Variants in TRAPPC8 observed in about 807,000 individuals in gnomAD.
TRAPPC8 encodes the protein trafficking protein particle complex subunit 8.
In TRAPPC8, 54 loss-of-function variants were observed where a neutral mutation model predicts 174.3. The ratio of observed to expected loss-of-function variants is 0.31; its 90% CI spans 0.25 to 0.39. The LOEUF is 0.39. Ranked by LOEUF, TRAPPC8 falls within the 10% of genes least tolerant of loss-of-function variation. TRAPPC8 has a pLI of 1.00. For synonymous variants in TRAPPC8, 630 were observed against 579.9 expected, an observed-to-expected ratio of 1.09 and a Z score of -1.24; for missense variants, 1,531 against 1,699.1, an observed-to-expected ratio of 0.90 and a Z score of 1.74.
At position 31,900,187 on chromosome 18, in the gene TRAPPC8, T is replaced by C. The variant is rs117146283; in HGVS notation, c.1490+738A>G. Among the ~76,000 whole-genome samples the C allele has an allele frequency of 6.7e-3, 1,016 of 152,174 alleles. 4 individuals carry two copies. Among genetic ancestry groups the C allele is most frequent in the Non-Finnish European group, 0.01 (711 of 68,000 alleles). ...AAGAAGAGGTTACAGTGAGCCAAGATTGCGCCACTGCACTCCCGCCTGGAC... is the reference window on the plus strand; with the variant it reads ...AAGAAGAGGTTACAGTGAGCCAAGACTGCGCCACTGCACTCCCGCCTGGAC... On this transcript the variant is annotated intron_variant, in intron 10 of 28. Transcript: ENST00000283351.
chr18:31,848,436 A>G (rs1435146096), intron 25 of TRAPPC8, among the ~76,000 whole-genome samples: 1 of 152,234 alleles, frequency 6.6e-6, no homozygotes, highest in African/African-American at 2.4e-5. Context: ...CACAAATGCC[A>G]AAGATCGTTA....
intron 15 of TRAPPC8, 56 bp downstream of exon 15, chr18:31,870,870 C>T: frequency 1.5e-6 from 2 of 1,368,060 alleles, no homozygotes; most frequent in Non-Finnish European, 1.9e-6. Context: ...AAATTATCTT[C>T]ATCATGCTGT....
At chr18:31,931,866 G>GT (rs1332955352) in intron 1 of TRAPPC8, among the ~76,000 whole-genome samples, 1 of 152,174 alleles carries the variant, frequency 6.6e-6, no homozygotes, top group Non-Finnish European at 1.5e-5. Flanking sequence ...CCAAGGCAGC[G>GT]TAAGGTCTAT....
At chr18:31,901,266 C>T (rs1021313856) in intron 9 of TRAPPC8, among the ~76,000 whole-genome samples, 3 of 1,522 alleles carry the variant, frequency 2.0e-3, no homozygotes, top group African/African-American at 2.4e-3. Flanking sequence ...ACCTAGAATT[C>T]AAGTTAAGTA....
At chr18:31,912,130 T>C (rs972190487) in intron 5 of TRAPPC8, among the ~76,000 whole-genome samples, 5 of 152,030 alleles carry the variant, frequency 3.3e-5, no homozygotes, top group African/African-American at 1.2e-4. Context: ...AACGGAAAGT[T>C]GGAGGGAAAT....
At chr18:31,878,203 C>A (rs2035258659) in intron 12 of TRAPPC8, among the ~76,000 whole-genome samples, 1 of 152,192 alleles carries the variant, frequency 6.6e-6, no homozygotes, top group African/African-American at 2.4e-5. Context: ...AAGCTTCTGT[C>A]TGCTCAGGAT....
intron 1 of TRAPPC8, among the ~76,000 whole-genome samples, chr18:31,935,364 C>CAAAAGAAAAA (rs2038041243): frequency 9.2e-6 from 1 of 108,200 alleles, no homozygotes; most frequent in African/African-American, 3.9e-5. Flanking sequence ...ACAAACAAAC[C>CAAAAGAAAAA]AAAAAAAAAA....
chr18:31,862,882 C>T (rs529864897), intron 19 of TRAPPC8, among the ~76,000 whole-genome samples: 14 of 152,002 alleles, frequency 9.2e-5, no homozygotes, highest in East Asian at 3.9e-4. Flanking sequence ...AGTGAAACCT[C>T]GTCTCTACTA....
chr18:31,873,461 A>T lies in TRAPPC8; in HGVS notation c.2031T>A (p.Val677=). 6.2e-7 allele frequency: 1 copy of T among 1,613,834 alleles called. No individual in the cohort carries two copies. Among genetic ancestry groups the T allele is most frequent in the Non-Finnish European group, 8.5e-7 (1 of 1,179,824 alleles). The change falls in exon 14 of 29, where the codon GTT becomes GTA. Residue 677 remains valine (V), a synonymous_variant. Coordinates refer to ENST00000283351, the MANE Select transcript of TRAPPC8 (RefSeq NM_014939.5). ...CTGGTCGTCTGTCATGGCCAAAAAA[A>T]ACCCGTGTTGCTGAACTGTTAATAT... ...LPYINSSATR[V]FFGHDRRPAD...
chr18:31,864,111 A>G (rs1351895901), intron 19 of TRAPPC8, among the ~76,000 whole-genome samples: 2 of 149,692 alleles, frequency 1.3e-5, no homozygotes, highest in Non-Finnish European at 3.0e-5. Context: ...CTTTAGTATT[A>G]CAGAACAAGA....
chr18:31,936,399 G>C (rs750202104), intron 1 of TRAPPC8, among the ~76,000 whole-genome samples: 54 of 152,188 alleles, frequency 3.5e-4, no homozygotes, highest in Middle Eastern at 6.8e-3. Flanking sequence ...AGGAGGTCGA[G>C]GCTGCAGTGA....
At chr18:31,930,846 A>C (rs2037816018) in intron 2 of TRAPPC8, among the ~76,000 whole-genome samples, 1 of 152,122 alleles carries the variant, frequency 6.6e-6, no homozygotes, top group South Asian at 2.1e-4. Flanking sequence ...GGGGAACATA[A>C]TGAGACCCCC....
intron 26 of TRAPPC8, among the ~76,000 whole-genome samples, chr18:31,842,406 GAGACATGAAATC>G (rs2033156243): frequency 6.6e-6 from 1 of 152,192 alleles, no homozygotes; most frequent in African/African-American, 2.4e-5. Context: ...CACTGATTGT[GAGACATGAAATC>G]AGACAAGGGA....
chr18:31,839,135 A>G (rs1438958167), intron 27 of TRAPPC8, among the ~76,000 whole-genome samples, 177 bp downstream of exon 27: 1 of 152,218 alleles, frequency 6.6e-6, no homozygotes, highest in Admixed American at 6.5e-5. Flanking sequence ...TTTACTTAAT[A>G]AATCTTTAAC....
At chr18:31,882,795 T>G (rs2035519002) in intron 12 of TRAPPC8, among the ~76,000 whole-genome samples, 1 of 151,414 alleles carries the variant, frequency 6.6e-6, no homozygotes, top group Non-Finnish European at 1.5e-5. Flanking sequence ...TTTTGTATTT[T>G]TAATAGAGAT....
At chr18:31,853,058 T>C (rs577921139) in intron 22 of TRAPPC8, among the ~76,000 whole-genome samples, 13 of 152,326 alleles carry the variant, frequency 8.5e-5, no homozygotes, top group African/African-American at 2.6e-4. Context: ...CTGCTATATG[T>C]TTTCCCATAA....
chr18:31,900,774 G>A, intron 10 of TRAPPC8, 151 bp downstream of exon 10: 1 of 575,480 alleles, frequency 1.7e-6, no homozygotes, highest in Non-Finnish European at 2.9e-6. Context: ...AAAAGAAAAA[G>A]GTATAATAAA....
chr18:31,868,813 C>G (rs1047083192), intron 16 of TRAPPC8, among the ~76,000 whole-genome samples: 8 of 152,020 alleles, frequency 5.3e-5, no homozygotes, highest in Non-Finnish European at 8.8e-5. Context: ...AGCAATCCTC[C>G]CACCTCAGCC....
chr18:31,850,606 A>G (rs1488162392), intron 24 of TRAPPC8, among the ~76,000 whole-genome samples: 1 of 152,220 alleles, frequency 6.6e-6, no homozygotes, highest in Non-Finnish European at 1.5e-5. Flanking sequence ...CCTGTATTAC[A>G]GGCTATGTAT....
Sources: gnomAD v4.1 joint callset for allele counts (sites outside exome capture counted in the v4.1 genomes callset) on GRCh38, gnomAD v4.1.1 for gene constraint, MANE v1.5 for transcripts, NCBI Gene and HGNC (gene_info 2026-07-23, HGNC 2026-07-21) for gene names.